ITPR2: variants seen among roughly 807,000 people sequenced by gnomAD.
The protein encoded by ITPR2 is inositol 1,4,5-trisphosphate receptor type 2.
Under a neutral mutation model 317.1 loss-of-function variants are expected in ITPR2, and 207 were observed. That is an observed-to-expected ratio of 0.65 (90% CI 0.58 to 0.73). The LOEUF is 0.73. Ranked by LOEUF, ITPR2 falls within the 30% of genes least tolerant of loss-of-function variation. The pLI, the probability that ITPR2 is intolerant of heterozygous loss-of-function variation, is 0.00. For synonymous variants in ITPR2, 1,156 were observed against 1,149.1 expected, an observed-to-expected ratio of 1.01 and a Z score of -0.12; for missense variants, 2,613 against 3,284.0, an observed-to-expected ratio of 0.80 and a Z score of 4.99.
chr12:26,667,441 T>G (rs1248985142), intron 13 of ITPR2, among the ~76,000 whole-genome samples: 2 of 152,228 alleles, frequency 1.3e-5, no homozygotes, highest in African/African-American at 4.8e-5. Context: ...TGTAACCCAG[T>G]CTGTTTCTTT....
intron 2 of ITPR2, among the ~76,000 whole-genome samples, chr12:26,734,541 A>C (rs948645913): frequency 1.3e-5 from 2 of 152,174 alleles, no homozygotes; most frequent in African/African-American, 4.8e-5. Flanking sequence ...CAATTAAACT[A>C]TTAATACAGG....
intron 29 of ITPR2, 149 bp from the exon 30 acceptor site, chr12:26,599,494 T>A (rs1945939419): frequency 1.4e-6 from 1 of 691,716 alleles, no homozygotes; most frequent in Non-Finnish European, 2.4e-6. Flanking sequence ...AAAAATGCGA[T>A]GAGATCATTA....
At chr12:26,678,313 T>G (rs1947958003) in intron 13 of ITPR2, among the ~76,000 whole-genome samples, 1 of 152,068 alleles carries the variant, frequency 6.6e-6, no homozygotes, top group Non-Finnish European at 1.5e-5. Context: ...ATTAGAAAAT[T>G]CCATTGAAAA....
intron 34 of ITPR2, among the ~76,000 whole-genome samples, chr12:26,571,896 T>C (rs987590489): frequency 6.6e-6 from 1 of 152,232 alleles, no homozygotes; most frequent in Admixed American, 6.5e-5. Context: ...AAGAATGAAG[T>C]ATTTTTGATG....
intron 37 of ITPR2, among the ~76,000 whole-genome samples, chr12:26,542,867 C>G (rs1052564294): frequency 6.6e-6 from 1 of 152,142 alleles, no homozygotes; most frequent in Non-Finnish European, 1.5e-5. Flanking sequence ...ACTTCTTTGA[C>G]TAGAATGTAA....
chr12:26,735,103 C>T (rs886662498), intron 2 of ITPR2, among the ~76,000 whole-genome samples: 1 of 143,304 alleles, frequency 7.0e-6, no homozygotes, highest in Non-Finnish European at 1.5e-5. Context: ...TGGGTTCAAA[C>T]GATTCTCCTG....
intron 45 of ITPR2, among the ~76,000 whole-genome samples, chr12:26,458,448 T>C (rs901842): frequency 0.89 from 135,026 of 152,184 alleles, 59,983 homozygotes; most frequent in Non-Finnish European, 0.9. Flanking sequence ...TACCAGGGCC[T>C]TCCAGGGGAA....
chr12:26,601,689 T>C (rs1946001012), intron 28 of ITPR2, among the ~76,000 whole-genome samples: 1 of 152,198 alleles, frequency 6.6e-6, no homozygotes, highest in Admixed American at 6.5e-5. Context: ...GAAAGTTTGA[T>C]GAAGAATGGG....
At chr12:26,621,391 G>T in intron 25 of ITPR2, 95 bp from the exon 26 acceptor site, 1 of 880,474 alleles carries the variant, frequency 1.1e-6, no homozygotes. Flanking sequence ...AACCTACCTA[G>T]AAGTAAGTGT....
At chr12:26,806,132 T>A (rs956017079) in intron 1 of ITPR2, among the ~76,000 whole-genome samples, 6 of 152,170 alleles carry the variant, frequency 3.9e-5, no homozygotes, top group Admixed American at 3.9e-4. Context: ...AGCAGGAAAT[T>A]TCAGAGGAGA....
chr12:26,452,837 C>A (rs1941773125), intron 45 of ITPR2, among the ~76,000 whole-genome samples: 1 of 152,116 alleles, frequency 6.6e-6, no homozygotes, highest in South Asian at 2.1e-4. Flanking sequence ...ACTTCCCAGC[C>A]ACTAGATAAA....
intron 37 of ITPR2, among the ~76,000 whole-genome samples, chr12:26,543,365 TTG>T (rs1057373971): frequency 6.6e-6 from 1 of 150,602 alleles, no homozygotes; most frequent in Non-Finnish European, 1.5e-5. Context: ...TTGTGTGTGT[TTG>T]TGTGTGTGTG....
At chr12:26,670,071 C>T (rs1181237769) in intron 13 of ITPR2, among the ~76,000 whole-genome samples, 1 of 152,254 alleles carries the variant, frequency 6.6e-6, no homozygotes, top group Admixed American at 6.5e-5. Context: ...AAGCCCACCA[C>T]AGCTCAAGGA....
intron 2 of ITPR2, among the ~76,000 whole-genome samples, chr12:26,756,405 C>G (rs1949520588): frequency 6.6e-6 from 1 of 152,190 alleles, no homozygotes; most frequent in Admixed American, 6.5e-5. Flanking sequence ...CCCATATCAG[C>G]TTGGTTCCAA....
At chr12:26,625,396 T>C (rs574755692) in intron 23 of ITPR2, among the ~76,000 whole-genome samples, 29 of 152,268 alleles carry the variant, frequency 1.9e-4, no homozygotes, top group Non-Finnish European at 3.5e-4. Context: ...TATCCTGATA[T>C]GATTATTACA....
At chr12:26,361,846 C>T (rs1046604017) in intron 55 of ITPR2, among the ~76,000 whole-genome samples, 4 of 152,178 alleles carry the variant, frequency 2.6e-5, no homozygotes, top group Admixed American at 6.5e-5. Flanking sequence ...TCAGTTTAGG[C>T]AGCAATTTAG....
At chr12:26,785,322 C>T (rs1294710216) in intron 2 of ITPR2, among the ~76,000 whole-genome samples, 5 of 44,134 alleles carry the variant, frequency 1.1e-4, no homozygotes, top group Non-Finnish European at 1.8e-4. Context: ...GCCCCCCGCC[C>T]GGCCAGCCGC....
chr12:26,698,380 A>G (rs150538832), intron 9 of ITPR2, among the ~76,000 whole-genome samples: 63 of 152,374 alleles, frequency 4.1e-4, no homozygotes, highest in African/African-American at 1.3e-3. Flanking sequence ...CTACTCGGCA[A>G]TGAACATGAC....
At chr12:26,615,008 T>G (rs1249807085) in intron 26 of ITPR2, among the ~76,000 whole-genome samples, 1 of 152,238 alleles carries the variant, frequency 6.6e-6, no homozygotes, top group African/African-American at 2.4e-5. Context: ...TGTACCACAC[T>G]TATTCTAGAT....
Sources: gnomAD v4.1 joint callset for allele counts (sites outside exome capture counted in the v4.1 genomes callset) on GRCh38, gnomAD v4.1.1 for gene constraint, MANE v1.5 for transcripts, NCBI Gene and HGNC (gene_info 2026-07-23, HGNC 2026-07-21) for gene names.